The following HERC1 variants were observed in gnomAD, a reference collection of about 807,000 sequenced individuals.
The protein encoded by HERC1 is HECT and RLD domain containing E3 ubiquitin protein ligase family member 1, also known as probable E3 ubiquitin-protein ligase HERC1.
HERC1 carries 160 observed loss-of-function variants against 554.3 expected under a neutral mutation model. The observed-to-expected ratio is 0.29, with a 90% CI of 0.25 to 0.33. The LOEUF (loss-of-function observed/expected upper bound fraction) is 0.33. Ranked by LOEUF, HERC1 falls within the 10% of genes least tolerant of loss-of-function variation. The pLI is 1.00. For missense variants in HERC1, 4,919 were observed against 5,918.5 expected, an observed-to-expected ratio of 0.83 and a Z score of 5.54; for synonymous variants, 2,175 against 2,131.7, an observed-to-expected ratio of 1.02 and a Z score of -0.56.
At position 63,634,803 on chromosome 15, in the gene HERC1, C is replaced by G; in HGVS notation, c.12500G>C (p.Gly4167Ala). 1 of 1,613,184 alleles carries G rather than the reference C, an allele frequency of 6.2e-7. No homozygotes were observed. Among genetic ancestry groups the G allele is most frequent in the Non-Finnish European group, 8.5e-7 (1 of 1,179,408 alleles). The change falls in exon 66 of 78, where the codon GGT becomes GCT. Residue 4167 changes from glycine to alanine, a missense_variant. Gly to Ala is a moderately conservative substitution (Grantham distance 60). This residue lies in a region of HERC1 where 410 missense variants were observed against 467.0 expected (regional missense o/e 0.88). Transcript: ENST00000443617. ...TTTTTTGTTAGAGGTATTTCCAAGA[C>G]CCAGACGACCATAGTCACCATTCCC... ...TFGNGDYGRL[G>A]LGNTSNKKLP...
At chr15:63,668,896 T>G (rs1407933420) in intron 40 of HERC1, among the ~76,000 whole-genome samples, 1 of 152,124 alleles carries the variant, frequency 6.6e-6, no homozygotes, top group Admixed American at 6.5e-5. Context: ...TAAAGAAGAC[T>G]TGGACAACAG....
At chr15:63,673,367 C>CCT (rs200096405) in intron 38 of HERC1, among the ~76,000 whole-genome samples, 4 of 151,342 alleles carry the variant, frequency 2.6e-5, no homozygotes, top group Non-Finnish European at 5.9e-5. Context: ...ACACCATGTA[C>CCT]CTCTCTCTCT....
At chr15:63,641,370 T>C (rs1384305426) in intron 60 of HERC1, 100 bp downstream of exon 60, 1 of 978,230 alleles carries the variant, frequency 1.0e-6, no homozygotes, top group East Asian at 2.7e-5. Context: ...CCACTTATTA[T>C]CCTCAGACCT....
At chr15:63,617,556 T>C (rs1232394552) in intron 74 of HERC1, among the ~76,000 whole-genome samples, 1 of 152,232 alleles carries the variant, frequency 6.6e-6, no homozygotes, top group Non-Finnish European at 1.5e-5. Context: ...ATGGTATTTC[T>C]AGTTCTAGAT....
At position 63,694,860 on chromosome 15, in the gene HERC1, A is replaced by G. The variant is rs961132440; in HGVS notation, c.5156T>C (p.Ile1719Thr). 7 of 1,613,662 alleles carry G rather than the reference A, an allele frequency of 4.3e-6. No homozygotes were observed. The African/African-American group carries it at 9.3e-5, about 22-fold the overall frequency. The change falls in exon 28 of 78, where the codon ATT becomes ACT. Residue 1719 changes from isoleucine to threonine, a missense_variant. Ile to Thr is a moderately conservative substitution (Grantham distance 89, BLOSUM62 -1). Coordinates refer to ENST00000443617, the MANE Select transcript of HERC1 (RefSeq NM_003922.4). This position sits in a 1 kb window ranked among gnomAD's most constrained non-coding sequence, Gnocchi z 4.3. Reference protein sequence around the residue: ...GIRAAKRNIQIEIQVAVHKIY... With the variant: ...GIRAAKRNIQTEIQVAVHKIY... ...TTTATGCACAGCTACCTGGATTTCAATCTGAATATTTCTCTTAGCTGCTCT... is the reference window on the plus strand; with the variant it reads ...TTTATGCACAGCTACCTGGATTTCAGTCTGAATATTTCTCTTAGCTGCTCT...
intron 1 of HERC1, among the ~76,000 whole-genome samples, chr15:63,780,969 C>A (rs1470507244): frequency 4.6e-5 from 7 of 151,660 alleles, no homozygotes; most frequent in Non-Finnish European, 1.0e-4. Flanking sequence ...AAATGTATAT[C>A]CTAAGTGATG....
rs1467308982 is a variant in HERC1, at chr15:63,656,370, GA to G, written c.9600-13del. The G allele has an allele frequency of 1.9e-6, 3 of 1,600,166 alleles. No individual in the cohort carries two copies. In the African/African-American group the frequency reaches 4.0e-5, roughly 21 times the overall value. ...TACAACTGGAACCACTGCCAGTAAAGAAAAACATCTCAGATGGATAAAGAAA... is the reference window on the plus strand; with the variant it reads ...TACAACTGGAACCACTGCCAGTAAAGAAAACATCTCAGATGGATAAAGAAA... On this transcript the variant is annotated splice_polypyrimidine_tract_variant and intron_variant, in intron 48 of 77. Coordinates refer to ENST00000443617, the MANE Select transcript of HERC1 (RefSeq NM_003922.4).
In HERC1 at chr15:63,729,897, T is replaced by C. The variant is rs11856836; in HGVS notation, c.2869-248A>G. 0.81 allele frequency among the ~76,000 whole-genome samples: 122,989 copies of C among 151,406 alleles called. 51,807 individuals are homozygous for C. Among genetic ancestry groups the C allele is most frequent in the Non-Finnish European group, 0.87 (59,257 of 67,898 alleles). ...AAAATTAGCTAGGCGTGGTGGTGGG[T>C]GCCTGTAATCCCAGCTACCGGGGAG... On this transcript the variant is annotated intron_variant, in intron 14 of 77. Coordinates refer to ENST00000443617, the MANE Select transcript of HERC1 (RefSeq NM_003922.4).
Position 63,674,982 on chromosome 15 carries a change from A to G in HERC1, c.7206T>C (p.Val2402=), listed in dbSNP as rs768818622. Residue 2402 remains valine (V), a synonymous_variant, in exon 38 of 78, where the codon GTT becomes GTC. Coordinates refer to ENST00000443617, the MANE Select transcript of HERC1 (RefSeq NM_003922.4). The part of the protein sequence containing the change: ...VLLDLTYLTG[V]HEDMGKQSTK... ...TGCTCTGTTTGCCCATGTCTTCATG[A>G]ACGCCAGTGAGATATGTTAGGTCCA... 1.2e-6 allele frequency: 2 copies of G among 1,614,054 alleles called. No individual in the cohort carries two copies. Among genetic ancestry groups the G allele is most frequent in the Middle Eastern group, 1.6e-4 (1 of 6,062 alleles).
Position 63,641,522 on chromosome 15 carries a change from G to C in HERC1, c.11555C>G (p.Ala3852Gly), listed in dbSNP as rs1175253931. 7 of 1,613,442 alleles carry C rather than the reference G, an allele frequency of 4.3e-6. No homozygotes were observed. Among genetic ancestry groups the C allele is most frequent in the Non-Finnish European group, 5.9e-6 (7 of 1,179,626 alleles). ...LGLNMAPCMR[A>G]FLERLPMMLQ... ...CATCATGGGGAGCCGCTCCAAAAATGCTCTCATGCAGGGAGCCATGTTCAA... is the reference window on the plus strand; with the variant it reads ...CATCATGGGGAGCCGCTCCAAAAATCCTCTCATGCAGGGAGCCATGTTCAA... Residue 3852 changes from alanine to glycine, a missense_variant, in exon 60 of 78, where the codon GCA becomes GGA. Coordinates refer to ENST00000443617, the MANE Select transcript of HERC1 (RefSeq NM_003922.4).
At chr15:63,635,911 C>T in intron 65 of HERC1, 50 bp downstream of exon 65, 15 of 1,563,234 alleles carry the variant, frequency 9.6e-6, no homozygotes, top group Non-Finnish European at 1.2e-5. Context: ...ACCTATTCAA[C>T]AACTAGTATA....
intron 46 of HERC1, among the ~76,000 whole-genome samples, chr15:63,660,573 A>G (rs1275929562): frequency 5.9e-5 from 9 of 152,208 alleles, no homozygotes; most frequent in Non-Finnish European, 8.8e-5. Context: ...GGTCCAACAA[A>G]GAGTTCTTAG....
chr15:63,833,753 G>GCGCGCACACACACACA (rs1340096449), intron 1 of HERC1, 74 bp downstream of exon 1: 1 of 46,454 alleles, frequency 2.2e-5, no homozygotes, highest in African/African-American at 5.7e-5. Context: ...ACGCGCGCGC[G>GCGCGCACACACACACA]CACACACACA....
In HERC1 at chr15:63,678,093, C is replaced by T; in HGVS notation, c.6822G>A (p.Glu2274=). The part of the protein sequence containing the change: ...REENEMREEK[E]SKEEEKGKHT... The stretch of plus-strand genomic sequence containing the variant: ...GTTTACCTTTCTCTTCCTCTTTGCT[C>T]TCCTTCTCCTCTCTCATTTCATTTT... The change falls in exon 37 of 78, where the codon GAG becomes GAA. Residue 2274 remains glutamate (E), a synonymous_variant. Coordinates refer to ENST00000443617, the MANE Select transcript of HERC1 (RefSeq NM_003922.4). 5.0e-6 allele frequency: 8 copies of T among 1,613,984 alleles called. No individual in the cohort carries two copies. Among genetic ancestry groups the T allele is most frequent in the Non-Finnish European group, 5.9e-6 (7 of 1,179,884 alleles).
At chr15:63,708,501 C>T (rs562145974) in intron 24 of HERC1, among the ~76,000 whole-genome samples, 15 of 152,078 alleles carry the variant, frequency 9.9e-5, no homozygotes, top group Admixed American at 2.0e-4. Flanking sequence ...CTGCCAGAAA[C>T]GAGGGAGCTA....
At chr15:63,688,985 C>T (rs976231311) in intron 33 of HERC1, among the ~76,000 whole-genome samples, 6 of 152,040 alleles carry the variant, frequency 3.9e-5, no homozygotes, top group East Asian at 3.9e-4. Context: ...CATGTTGGTC[C>T]CCTGCTTTAG....
chr15:63,675,967 G>A (rs565294978), intron 37 of HERC1, among the ~76,000 whole-genome samples: 99 of 149,548 alleles, frequency 6.6e-4, no homozygotes, highest in South Asian at 5.5e-3. Flanking sequence ...GCAGTGGTGC[G>A]ATCTCAGCTC....
At position 63,764,096 on chromosome 15, in the gene HERC1, C is replaced by G. The variant is rs1157862004; in HGVS notation, c.1026G>C (p.Glu342Asp). 4 of 1,599,176 alleles carry G rather than the reference C, an allele frequency of 2.5e-6. No individual in the cohort carries two copies. Among genetic ancestry groups the G allele is most frequent in the Non-Finnish European group, 2.6e-6 (3 of 1,170,714 alleles). Reference sequence around the variant, plus strand: ...TACAAAAGCCACGATTATTACGTACCTCTTCAAAGAGACATAATGCTGCCT... The same window carrying G: ...TACAAAAGCCACGATTATTACGTACGTCTTCAAAGAGACATAATGCTGCCT... ...LYEAALCLFE[E>D]VCRMASDYSR... is the part of the protein sequence containing the mutation. Residue 342 changes from glutamate (E) to aspartate (D), a missense_variant and splice_region_variant, in exon 3 of 78, where the codon GAG becomes GAC. Physicochemically the swap from Glu to Asp is conservative, Grantham distance 45. Transcript: ENST00000443617.
chr15:63,645,293 T>A (rs1282237454), intron 56 of HERC1, among the ~76,000 whole-genome samples, 190 bp downstream of exon 56: 2 of 152,188 alleles, frequency 1.3e-5, no homozygotes, highest in East Asian at 1.9e-4. Context: ...ATAAGGAGAT[T>A]ACATACCAAG....
Sources: allele counts gnomAD v4.1 joint callset (sites outside exome capture counted in the v4.1 genomes callset), GRCh38; gene constraint gnomAD v4.1.1; regional missense constraint gnomAD v4.1.1; non-coding constraint Gnocchi (gnomAD v3.1); transcripts MANE v1.5; gene names NCBI Gene and HGNC (gene_info 2026-07-23, HGNC 2026-07-21).